The following LRRC37B variants were observed in gnomAD, a reference collection of about 807,000 sequenced individuals.
The protein encoded by LRRC37B is leucine rich repeat containing 37B.
In LRRC37B, 28 loss-of-function variants were observed where a neutral mutation model predicts 98.3. That is an observed-to-expected ratio of 0.28 (90% CI 0.21 to 0.39). The LOEUF (loss-of-function observed/expected upper bound fraction) is 0.39, where lower values mean the gene tolerates loss of function less well. Among genes scored for constraint, LRRC37B ranks in the 10% least tolerant of loss-of-function variants. The probability of loss-of-function intolerance (pLI) is 1.00; values close to 1 mark genes in which losing one functional copy is unlikely to be tolerated. For missense variants in LRRC37B, 938 were observed against 1,182.7 expected (o/e 0.79, Z 3.03); for synonymous variants, 364 against 442.7 (o/e 0.82, Z 2.23).
exon 9 of LRRC37B, chr17:32,047,818 G>C: frequency 1.9e-6 from 3 of 1,614,088 alleles, no homozygotes; most frequent in Non-Finnish European, 2.5e-6. Flanking sequence ...TTACAAGCCC[G>C]GAAGCAGCAC....
chr17:32,031,517 A>G (rs954912067), intron 5 of LRRC37B, 59 bp downstream of exon 8: 17 of 854,390 alleles, frequency 2.0e-5, no homozygotes, highest in East Asian at 3.1e-5. Flanking sequence ...AACTCATACA[A>G]TTATTGGTTA....
Position 32,041,450 on chromosome 17 carries a change from G to T in LRRC37B, c.2205-4250G>T, listed in dbSNP as rs780980265. 17 of 709,740 alleles carry T rather than the reference G, an allele frequency of 2.4e-5. No homozygotes were observed. In the Admixed American group the frequency reaches 3.0e-4, roughly 13 times the overall value. 44.0% of individuals were successfully genotyped at this position (709,740 alleles called of 1,614,324 possible). On this transcript the variant is annotated intron_variant, in intron 7 of 11. Transcript: ENST00000327564. ...TGATCAACCAGATCAACGAGAACTG[G>T]TACCAGGGCATGCTGGACAGCCAGT...
At chr17:32,017,424 C>T (rs562804812), upstream of LRRC37B, among the ~76,000 whole-genome samples, 1 of 152,292 alleles carries the variant, frequency 6.6e-6, no homozygotes, top group South Asian at 2.1e-4. Context: ...TTTTTCATTT[C>T]TTATGTTATT....
At chr17:32,020,656 G>A (rs557537048), upstream of LRRC37B, 16 of 347,342 alleles carry the variant, frequency 4.6e-5, no homozygotes, top group South Asian at 9.4e-4. Flanking sequence ...TGACTGTAAC[G>A]CGCGTCCTGC....
At chr17:32,017,398 C>T (rs758634370), upstream of LRRC37B, among the ~76,000 whole-genome samples, 2 of 152,204 alleles carry the variant, frequency 1.3e-5, no homozygotes, top group Non-Finnish European at 2.9e-5. Context: ...TGTGATTGAA[C>T]ATTTTTGTGT....
Position 32,047,918 on chromosome 17 carries a change from C to T in LRRC37B, c.2464+17C>T, listed in dbSNP as rs1911637510. On this transcript the variant is annotated intron_variant, in intron 9 of 11. Coordinates refer to ENST00000327564, the Ensembl canonical transcript of LRRC37B. ...GCTTTGGGGGTGAGCAGCTAGACAC[C>T]AATGACGAGAGTGATGTTAGCAGTG... is the stretch of plus-strand genomic sequence containing the variant. The T allele has an allele frequency of 6.2e-7, 1 of 1,614,074 alleles. No individual in the cohort carries two copies.
At chr17:32,034,504 C>CAAAA (rs35735718) in intron 5 of LRRC37B, among the ~76,000 whole-genome samples, 4 of 43,874 alleles carry the variant, frequency 9.1e-5, no homozygotes, top group South Asian at 7.8e-4. Context: ...ACTCCATCTC[C>CAAAA]AAAAAAAAAA....
At chr17:32,012,277 T>G (rs1910540970) in intron 1 of LRRC37B, among the ~76,000 whole-genome samples, 1 of 152,258 alleles carries the variant, frequency 6.6e-6, no homozygotes, top group Non-Finnish European at 1.5e-5. Flanking sequence ...CTCTTTCTCC[T>G]TGAAATTCTG....
chr17:32,037,947 TACAC>T (rs577973558), intron 7 of LRRC37B, among the ~76,000 whole-genome samples: 12 of 150,430 alleles, frequency 8.0e-5, no homozygotes, highest in African/African-American at 2.7e-4. Context: ...CTCTACTAAA[TACAC>T]ACACACACAC....
chr17:32,011,403 T>A (rs1910523443), intron 1 of LRRC37B, among the ~76,000 whole-genome samples: 1 of 152,158 alleles, frequency 6.6e-6, no homozygotes, highest in Non-Finnish European at 1.5e-5. Flanking sequence ...CTCACTATAT[T>A]GCCCAGGCTG....
exon 1 of LRRC37B, chr17:32,021,238 T>C: frequency 1.2e-6 from 2 of 1,612,660 alleles, no homozygotes; most frequent in South Asian, 2.2e-5. Flanking sequence ...CTGGTGTGGG[T>C]CAAGGACCCG....
exon 8 of LRRC37B, chr17:32,045,700 G>A (rs1489057075): frequency 3.7e-6 from 6 of 1,605,456 alleles, no homozygotes; most frequent in Non-Finnish European, 5.1e-6. Context: ...TCATCTATAG[G>A]ATCTTACCTA....
chr17:32,022,372 C>T, exon 1 of LRRC37B: 1 of 1,613,938 alleles, frequency 6.2e-7, no homozygotes, highest in Non-Finnish European at 8.5e-7. Flanking sequence ...GCTCAGCATT[C>T]ACACCTGACT....
chr17:32,020,816 C>T (rs1050287488), upstream of LRRC37B: 1 of 730,754 alleles, frequency 1.4e-6, no homozygotes, highest in African/African-American at 1.8e-5. Flanking sequence ...CCCGTGACTT[C>T]CTTGGGAAGC....
At chr17:32,021,878 C>T (rs200519924) in exon 1 of LRRC37B, 51 of 1,614,152 alleles carry the variant, frequency 3.2e-5, no homozygotes, top group Middle Eastern at 1.6e-4. Context: ...TCCGGGTGAA[C>T]GCAGATGAGC....
intron 1 of LRRC37B, among the ~76,000 whole-genome samples, chr17:32,013,196 G>C (rs1028429447): frequency 6.6e-6 from 1 of 151,980 alleles, no homozygotes; most frequent in African/African-American, 2.4e-5. Flanking sequence ...ATAGAGATGG[G>C]GTTTTGCCAT....
upstream of LRRC37B, chr17:32,020,700 A>T: frequency 2.6e-6 from 1 of 388,906 alleles, no homozygotes; most frequent in Non-Finnish European, 4.0e-6. Flanking sequence ...TTTGCAGGTC[A>T]GTTGCTCTCC....
rs201356266 is a variant in LRRC37B, at chr17:32,032,785, CCACCAAGA to C, written c.2057+1328_2057+1335del. ...CAGAGAACAGGCTCATTAGGTCCCT[CCACCAAGA>C]GGTTTGGGTAGCATCAATACAAATG... On this transcript the variant is annotated intron_variant, in intron 5 of 11. Coordinates refer to ENST00000327564, the Ensembl canonical transcript of LRRC37B. Among the ~76,000 whole-genome samples the C allele has an allele frequency of 8.9e-4, 136 of 152,292 alleles. 1 individual carries two copies. The highest frequency in any genetic ancestry group is 3.1e-3 in the African/African-American group (128 of 41,564).
At chr17:32,041,703 C>T in intron 7 of LRRC37B, 1 of 457,962 alleles carries the variant, frequency 2.2e-6, no homozygotes, top group Non-Finnish European at 4.4e-6. Context: ...GGAGGCTTAT[C>T]TGGGTGGGTG....
Sources: gnomAD v4.1 joint callset for allele counts (sites outside exome capture counted in the v4.1 genomes callset) on GRCh38, gnomAD v4.1.1 for gene constraint, MANE v1.5 for transcripts, NCBI Gene and HGNC (gene_info 2026-07-23, HGNC 2026-07-21) for gene names.